Variants in PLPPR1 observed in about 807,000 individuals in gnomAD.
The protein encoded by PLPPR1 is phospholipid phosphatase related 1.
PLPPR1 carries 10 observed loss-of-function variants against 33.1 expected under a neutral mutation model. That is an observed-to-expected ratio of 0.30 (90% CI 0.19 to 0.51). The LOEUF is 0.51. PLPPR1 is among the 20% of genes least tolerant of loss of function. PLPPR1 has a pLI of 0.97. For synonymous variants in PLPPR1, 151 were observed against 151.0 expected (o/e 1.00, Z 0.00); for missense variants, 304 against 408.1 (o/e 0.74, Z 2.20).
At chr9:101,182,586 G>A (rs1416020199) in intron 1 of PLPPR1, among the ~76,000 whole-genome samples, 1 of 151,692 alleles carries the variant, frequency 6.6e-6, no homozygotes, top group Admixed American at 6.6e-5. Flanking sequence ...TTGGAACTTG[G>A]TGGTTGTTGC....
chr9:101,226,118 G>A (rs1827062816), intron 2 of PLPPR1, among the ~76,000 whole-genome samples: 1 of 152,148 alleles, frequency 6.6e-6, no homozygotes, highest in Non-Finnish European at 1.5e-5. Context: ...CTCCTGACAT[G>A]ATGGTTTAGC....
chr9:101,133,574 G>T lies in PLPPR1; in HGVS notation c.-45-51876G>T, dbSNP rs556311828. ...GATATTTACATGGCTAGTTTTAGGC[G>T]ATCATGATTAAATGATATGACATAT... On this transcript the variant is annotated intron_variant, in intron 1 of 7. Transcript: ENST00000374874. Among the ~76,000 whole-genome samples the T allele has an allele frequency of 2.9e-4, 44 of 152,300 alleles. No individual in the cohort carries two copies. In the South Asian group the frequency reaches 8.9e-3, roughly 31 times the overall value.
chr9:101,246,103 T>TAGATAGATAGATAG (rs1248690310), intron 2 of PLPPR1, among the ~76,000 whole-genome samples: 1 of 109,972 alleles, frequency 9.1e-6, no homozygotes, highest in Non-Finnish European at 1.9e-5. Flanking sequence ...TATATATATA[T>TAGATAGATAGATAG]ATATATAGAT....
chr9:101,063,512 A>G (rs2118471419), intron 1 of PLPPR1, among the ~76,000 whole-genome samples: 1 of 152,214 alleles, frequency 6.6e-6, no homozygotes, highest in South Asian at 2.1e-4. Context: ...ATATTTTACT[A>G]GAAAGCCACT....
intron 2 of PLPPR1, among the ~76,000 whole-genome samples, chr9:101,256,574 C>T (rs187088210): frequency 3.9e-4 from 59 of 152,222 alleles, no homozygotes; most frequent in African/African-American, 1.4e-3. Flanking sequence ...CGCAGAAATT[C>T]CAGGGGTGGT....
chr9:101,309,374 T>C lies in PLPPR1; in HGVS notation c.549T>C (p.Thr183=), dbSNP rs1173272331. 1 of 1,614,106 alleles carries C rather than the reference T, an allele frequency of 6.2e-7. No individual in the cohort carries two copies. Among genetic ancestry groups the C allele is most frequent in the Non-Finnish European group, 8.5e-7 (1 of 1,180,024 alleles). The part of the protein sequence containing the change: ...HQFINNGNIC[T]GDLEVIEKAR... ...TTATAAACAATGGGAACATTTGTAC[T>C]GGGGACCTGGAAGTGATAGAAAAGG... Residue 183 remains threonine, a synonymous_variant, in exon 5 of 8, where the codon ACT becomes ACC. Transcript: ENST00000374874.
At chr9:101,121,152 C>T (rs1177180052) in intron 1 of PLPPR1, among the ~76,000 whole-genome samples, 3 of 152,198 alleles carry the variant, frequency 2.0e-5, no homozygotes, top group African/African-American at 7.2e-5. Context: ...TAACAAGTTA[C>T]TACTGTTACC....
Position 101,322,272 on chromosome 9 carries a change from C to G in PLPPR1, c.946-1753C>G, listed in dbSNP as rs1163113470. On this transcript the variant is annotated intron_variant, in intron 7 of 7. Coordinates refer to ENST00000374874, the MANE Select transcript of PLPPR1 (RefSeq NM_207299.2). ...AATAATAATAATTAGATCAAAGCCA[C>G]AGTTTGTTAAAGATTTAATAATTTC... is the stretch of plus-strand genomic sequence containing the variant. Among the ~76,000 whole-genome samples, 4 of 139,646 alleles carry G rather than the reference C, an allele frequency of 2.9e-5. No individual in the cohort carries two copies. In the South Asian group the frequency reaches 9.1e-4, roughly 32 times the overall value. The allele number at this position is 139,646 out of a possible 152,430, so 91.6% of individuals were successfully genotyped here. A position where few individuals can be genotyped will look rare whatever the true frequency, so the allele number is the denominator to read the frequency against.
intron 3 of PLPPR1, among the ~76,000 whole-genome samples, chr9:101,279,831 A>G (rs1349844265): frequency 6.6e-6 from 1 of 152,178 alleles, no homozygotes; most frequent in Non-Finnish European, 1.5e-5. Context: ...AGGGAATTTT[A>G]TAGCAATAAA....
intron 1 of PLPPR1, among the ~76,000 whole-genome samples, chr9:101,095,479 T>A (rs761114481): frequency 2.0e-5 from 3 of 152,188 alleles, no homozygotes; most frequent in Non-Finnish European, 4.4e-5. Context: ...TACCTGCATG[T>A]ATCATGGTAG....
intron 1 of PLPPR1, among the ~76,000 whole-genome samples, chr9:101,097,913 G>A (rs917674688): frequency 2.6e-5 from 4 of 152,188 alleles, no homozygotes; most frequent in African/African-American, 9.6e-5. Flanking sequence ...ACCTCATGTA[G>A]TTTTGGATTT....
At chr9:101,077,798 G>A (rs76348565) in intron 1 of PLPPR1, among the ~76,000 whole-genome samples, 35 of 151,920 alleles carry the variant, frequency 2.3e-4, no homozygotes, top group African/African-American at 2.7e-4. Context: ...TGGGCAAGGC[G>A]GCTCCCTTAG....
intron 7 of PLPPR1, among the ~76,000 whole-genome samples, chr9:101,318,146 T>G (rs748287494): frequency 4.6e-5 from 7 of 151,982 alleles, no homozygotes; most frequent in South Asian, 2.1e-4. Context: ...ACCTGGGCAA[T>G]GTAACAAGTC....
intron 1 of PLPPR1, among the ~76,000 whole-genome samples, chr9:101,077,238 T>C (rs1398225600): frequency 6.6e-6 from 1 of 152,206 alleles, no homozygotes; most frequent in East Asian, 1.9e-4. Flanking sequence ...CCCCTATCTC[T>C]TCTTAGGACT....
At chr9:101,292,287 T>C (rs1488163453) in intron 4 of PLPPR1, among the ~76,000 whole-genome samples, 2 of 152,080 alleles carry the variant, frequency 1.3e-5, no homozygotes, top group East Asian at 3.9e-4. Context: ...AATATGGGAC[T>C]ATGTGAAAAG....
intron 1 of PLPPR1, among the ~76,000 whole-genome samples, chr9:101,132,081 C>A (rs894773084): frequency 2.3e-4 from 35 of 152,160 alleles, no homozygotes; most frequent in Non-Finnish European, 5.0e-4. Flanking sequence ...TTGTCTTAGA[C>A]TATTTGGATA....
chr9:101,045,330 T>C (rs182250657), intron 1 of PLPPR1, among the ~76,000 whole-genome samples: 9 of 152,362 alleles, frequency 5.9e-5, no homozygotes, highest in Non-Finnish European at 4.4e-5. Context: ...ACTAGGCACA[T>C]TCCTGTTCTT....
rs1175011707 is a variant in PLPPR1 at position 101,246,083 on chromosome 9, T to TAGATAG, written c.64-23796_64-23795insGATAGA. ...ATATATATATATATATATATATATATATATATATATATATATATATATATA... is the reference window on the plus strand; with the variant it reads ...ATATATATATATATATATATATATATAGATAGATATATATATATATATATATATATA... On this transcript the variant is annotated intron_variant, in intron 2 of 7. Coordinates refer to ENST00000374874, the MANE Select transcript of PLPPR1 (RefSeq NM_207299.2). Among the ~76,000 whole-genome samples the TAGATAG allele has an allele frequency of 1.3e-3, 130 of 97,000 alleles. 4 individuals carry two copies. Among genetic ancestry groups the TAGATAG allele is most frequent in the South Asian group, 3.9e-3 (11 of 2,836 alleles). 63.6% of individuals were successfully genotyped at this position (97,000 alleles called of 152,430 possible).
intron 2 of PLPPR1, among the ~76,000 whole-genome samples, chr9:101,217,726 C>T (rs1826831069): frequency 6.6e-6 from 1 of 152,086 alleles, no homozygotes; most frequent in Non-Finnish European, 1.5e-5. Context: ...GATTCTTTGT[C>T]TATATGATAT....
Sources: allele counts gnomAD v4.1 joint callset (sites outside exome capture counted in the v4.1 genomes callset), GRCh38; gene constraint gnomAD v4.1.1; transcripts MANE v1.5; gene names NCBI Gene and HGNC (gene_info 2026-07-23, HGNC 2026-07-21).